ZCWPW2: variants seen among roughly 807,000 people sequenced by gnomAD.
The protein encoded by ZCWPW2 is zinc finger CW-type PWWP domain protein 2.
ZCWPW2 carries 45 observed loss-of-function variants against 46.6 expected under a neutral mutation model. The observed-to-expected ratio is 0.96, with a 90% CI of 0.76 to 1.24. ZCWPW2 has a LOEUF of 1.24. Ranked by LOEUF, ZCWPW2 falls within the 50% of genes most tolerant of loss-of-function variation. The pLI is 0.00. For synonymous variants in ZCWPW2, 152 were observed against 137.1 expected (o/e 1.11, Z -0.76); for missense variants, 429 against 403.9 (o/e 1.06, Z -0.53).
intron 4 of ZCWPW2, among the ~76,000 whole-genome samples, chr3:28,452,578 G>A (rs763629321): frequency 7.9e-5 from 12 of 152,194 alleles, no homozygotes; most frequent in Non-Finnish European, 1.3e-4. Context: ...ACAGGCATGA[G>A]CCACTGTGCC....
chr3:28,360,258 C>G (rs1704888076), intron 1 of ZCWPW2, among the ~76,000 whole-genome samples: 1 of 149,124 alleles, frequency 6.7e-6, no homozygotes, highest in Non-Finnish European at 1.5e-5. Context: ...GTAATTCCAG[C>G]ACTTTGGGAG....
intron 1 of ZCWPW2, among the ~76,000 whole-genome samples, chr3:28,386,931 G>A (rs1014407841): frequency 1.3e-5 from 2 of 152,148 alleles, no homozygotes; most frequent in African/African-American, 2.4e-5. Context: ...AGGAGAATTG[G>A]TGGGGCAGAC....
At chr3:28,357,473 T>G (rs1380694868) in intron 1 of ZCWPW2, among the ~76,000 whole-genome samples, 1 of 152,152 alleles carries the variant, frequency 6.6e-6, no homozygotes, top group Non-Finnish European at 1.5e-5. Flanking sequence ...AGCATTTGAA[T>G]AGTAGATGGA....
In ZCWPW2 at chr3:28,435,103, T is replaced by C. The variant is rs1203435636; in HGVS notation, c.333-7T>C. On this transcript the variant is annotated splice_polypyrimidine_tract_variant and splice_region_variant and intron_variant, in intron 3 of 9. Transcript: ENST00000383768. The stretch of plus-strand genomic sequence containing the variant: ...TCAAAATAATTACAAATATTTTCTT[T>C]TGAAAGTTGGCCAGGAATACTTTGC... The C allele has an allele frequency of 3.7e-6, 6 of 1,605,052 alleles. No homozygotes were observed. Among genetic ancestry groups the C allele is most frequent in the South Asian group, 1.1e-5 (1 of 88,422 alleles).
At chr3:28,382,162 C>CA (rs1237903671) in intron 1 of ZCWPW2, among the ~76,000 whole-genome samples, 29,809 of 80,934 alleles carry the variant, frequency 0.37, 4,168 homozygotes, top group Non-Finnish European at 0.41. Context: ...AACTGCATCT[C>CA]AAAAAAAAAA....
At position 28,381,307 on chromosome 3, in the gene ZCWPW2, GTATGT is replaced by G. The variant is rs539599944; in HGVS notation, c.-133-9187_-133-9183del. ...TAAACAGTTAATTAACACATACTTT[GTATGT>G]TATATCTGTTGTATACTGTATTCTT... is the stretch of plus-strand genomic sequence containing the variant. On this transcript the variant is annotated intron_variant, in intron 1 of 9. Transcript: ENST00000383768. Among the ~76,000 whole-genome samples, 649 of 151,444 alleles carry G rather than the reference GTATGT, an allele frequency of 4.3e-3. 2 individuals are homozygous for G. Among genetic ancestry groups the G allele is most frequent in the African/African-American group, 0.011 (461 of 41,290 alleles).
At chr3:28,473,087 T>C (rs1164015856) in intron 4 of ZCWPW2, among the ~76,000 whole-genome samples, 3 of 152,140 alleles carry the variant, frequency 2.0e-5, no homozygotes, top group African/African-American at 7.2e-5. Context: ...TAACAAATGC[T>C]GGTGAGGATG....
intron 3 of ZCWPW2, chr3:28,428,125 A>G (rs1456909328): frequency 2.0e-5 from 3 of 152,236 alleles, no homozygotes; most frequent in African/African-American, 2.4e-5. Flanking sequence ...ACTCCACTCA[A>G]GTTTGCTCTT....
At chr3:28,370,266 A>G (rs1358850277) in intron 1 of ZCWPW2, among the ~76,000 whole-genome samples, 1 of 152,174 alleles carries the variant, frequency 6.6e-6, no homozygotes, top group Non-Finnish European at 1.5e-5. Flanking sequence ...GGAACTGTAG[A>G]CTGGAGCTGT....
chr3:28,467,494 A>G (rs1483673954), intron 4 of ZCWPW2, among the ~76,000 whole-genome samples: 2 of 147,604 alleles, frequency 1.4e-5, no homozygotes, highest in Non-Finnish European at 3.0e-5. Flanking sequence ...GCATTGAGAG[A>G]ACATAGGCAG....
chr3:28,434,092 A>G (rs1335013220), intron 3 of ZCWPW2, among the ~76,000 whole-genome samples: 1 of 152,116 alleles, frequency 6.6e-6, no homozygotes, highest in Non-Finnish European at 1.5e-5. Flanking sequence ...ATTTGTTTTT[A>G]TTTACATTCA....
chr3:28,423,602 A>T (rs1466385017), intron 3 of ZCWPW2, among the ~76,000 whole-genome samples: 1 of 151,634 alleles, frequency 6.6e-6, no homozygotes, highest in Non-Finnish European at 1.5e-5. Flanking sequence ...TCCTAACCTC[A>T]TGATCCTCCC....
intron 6 of ZCWPW2, among the ~76,000 whole-genome samples, chr3:28,511,690 T>C (rs1700429344): frequency 6.6e-6 from 1 of 152,194 alleles, no homozygotes; most frequent in Admixed American, 6.6e-5. Context: ...TCCTCTTCCA[T>C]TCAGTTGTCT....
rs765163042 is a variant in ZCWPW2, at chr3:28,413,185, G to C, written c.117G>C (p.Leu39Phe). Residue 39 changes from leucine (L) to phenylalanine (F), a missense_variant, in exon 3 of 10, where the codon TTG (leucine) becomes TTC (phenylalanine). By Grantham distance (22) the Leu-to-Phe change is conservative. Transcript: ENST00000383768. ...TTCAATGTGAGAATGAAAATTGTTTGAAATGGAGATTGTTATCAAGTGAGG... is the reference window on the plus strand; with the variant it reads ...TTCAATGTGAGAATGAAAATTGTTTCAAATGGAGATTGTTATCAAGTGAGG... ...VWVQCENENC[L>F]KWRLLSSEDS... The C allele has an allele frequency of 6.2e-7, 1 of 1,613,376 alleles. No individual in the cohort carries two copies. Among genetic ancestry groups the C allele is most frequent in the East Asian group, 2.2e-5 (1 of 44,824 alleles).
intron 8 of ZCWPW2, among the ~76,000 whole-genome samples, chr3:28,517,762 T>A (rs75207335): frequency 0.028 from 4,223 of 152,252 alleles, 186 homozygotes; most frequent in African/African-American, 0.094. Flanking sequence ...GTGACTGAGT[T>A]ATTGAGACAA....
At chr3:28,459,810 G>A (rs1027749374) in intron 4 of ZCWPW2, among the ~76,000 whole-genome samples, 3 of 152,044 alleles carry the variant, frequency 2.0e-5, no homozygotes, top group African/African-American at 4.8e-5. Flanking sequence ...TCCAGATAGT[G>A]GACAAACCTA....
chr3:28,442,304 G>A (rs571564738), intron 4 of ZCWPW2, among the ~76,000 whole-genome samples: 1 of 152,286 alleles, frequency 6.6e-6, no homozygotes, highest in African/African-American at 2.4e-5. Context: ...CACACCGCTG[G>A]ACTCCTAGAA....
In ZCWPW2 at chr3:28,380,977, ATATATATATATATATATATTTGG is replaced by A. The variant is rs1559480778; in HGVS notation, c.-133-9501_-133-9479del. Among the ~76,000 whole-genome samples the A allele has an allele frequency of 1.8e-3, 77 of 43,772 alleles. 13 individuals are homozygous for A. Among genetic ancestry groups the A allele is most frequent in the Admixed American group, 6.3e-3 (24 of 3,836 alleles). The allele number at this position is 43,772 out of a possible 152,430, so 28.7% of individuals were successfully genotyped here. A position where few individuals can be genotyped will look rare whatever the true frequency, so the allele number is the denominator to read the frequency against. On this transcript the variant is annotated intron_variant, in intron 1 of 9. Transcript: ENST00000383768. The stretch of plus-strand genomic sequence containing the variant: ...ATATATATATATATATATATTTGGT[ATATATATATATATATATATTTGG>A]TATATATATATATATATATATTTGG...
intron 8 of ZCWPW2, among the ~76,000 whole-genome samples, chr3:28,519,339 C>T (rs555035305): frequency 1.6e-4 from 24 of 152,058 alleles, no homozygotes; most frequent in Non-Finnish European, 2.6e-4. Flanking sequence ...TGTTCCTGCC[C>T]CTTAGTAGGT....
Sources: gnomAD v4.1 joint callset for allele counts (sites outside exome capture counted in the v4.1 genomes callset) on GRCh38, gnomAD v4.1.1 for gene constraint, MANE v1.5 for transcripts, NCBI Gene and HGNC (gene_info 2026-07-23, HGNC 2026-07-21) for gene names.